The following GRIN2D variants were observed in gnomAD, a reference collection of about 807,000 sequenced individuals.
GRIN2D encodes the protein glutamate receptor ionotropic, NMDA 2D.
GRIN2D carries 37 observed loss-of-function variants against 103.2 expected under a neutral mutation model. The ratio of observed to expected loss-of-function variants is 0.36; its 90% CI spans 0.28 to 0.47. The LOEUF is 0.47. Ranked by LOEUF, GRIN2D falls within the 20% of genes least tolerant of loss-of-function variation. The probability of loss-of-function intolerance (pLI) is 1.00; values close to 1 mark genes in which losing one functional copy is unlikely to be tolerated. For missense variants in GRIN2D, 1,557 were observed against 1,910.6 expected (o/e 0.81, Z 3.45); for synonymous variants, 845 against 885.6 (o/e 0.95, Z 0.81).
rs371552966 is a variant in GRIN2D, at chr19:48,421,983, G to A, written c.2252+38G>A. 6 of 1,596,160 alleles carry A rather than the reference G, an allele frequency of 3.8e-6. No individual in the cohort carries two copies. The highest frequency in any genetic ancestry group is 2.2e-5 in the East Asian group (1 of 44,724). On this transcript the variant is annotated intron_variant, in intron 11 of 13. Coordinates refer to ENST00000263269, the MANE Select transcript of GRIN2D (RefSeq NM_000836.4). This position sits in a 1 kb window ranked among gnomAD's most constrained non-coding sequence, Gnocchi z 4.8. Reference sequence around the variant, plus strand: ...TCGGGCCGGGGGTGGGGGTTGGGCCGCTGGGGACCTGAGGATGCTCAAAGA... The same window carrying A: ...TCGGGCCGGGGGTGGGGGTTGGGCCACTGGGGACCTGAGGATGCTCAAAGA...
At chr19:48,437,067 T>G (rs1322761670) in intron 11 of GRIN2D, among the ~76,000 whole-genome samples, 3 of 152,188 alleles carry the variant, frequency 2.0e-5, no homozygotes. Flanking sequence ...ATTTTAATTT[T>G]TCCCCAACCT....
rs928367226 is a variant in GRIN2D, at chr19:48,405,796, C to A, written c.1085+443C>A. On this transcript the variant is annotated intron_variant, in intron 4 of 13. Coordinates refer to ENST00000263269, the MANE Select transcript of GRIN2D (RefSeq NM_000836.4). The surrounding 1 kb of genome is among the most constrained non-coding windows in gnomAD (Gnocchi z 5.1). ...GGCCCAGATGAGGTCGAAGTTTGTT[C>A]CTCTCTCACGTAACAACCCTGATAA... 7.2e-5 allele frequency among the ~76,000 whole-genome samples: 11 copies of A among 152,136 alleles called. No individual in the cohort carries two copies. Among genetic ancestry groups the A allele is most frequent in the African/African-American group, 2.4e-4 (10 of 41,434 alleles).
intron 11 of GRIN2D, among the ~76,000 whole-genome samples, chr19:48,434,465 G>A (rs910953172): frequency 1.3e-5 from 2 of 152,048 alleles, no homozygotes; most frequent in Non-Finnish European, 2.9e-5. Flanking sequence ...ATATTGGCCA[G>A]GCTGGTCTTG....
intron 4 of GRIN2D, among the ~76,000 whole-genome samples, chr19:48,410,129 T>G (rs1970838477): frequency 6.6e-6 from 1 of 151,058 alleles, no homozygotes; most frequent in Non-Finnish European, 1.5e-5. Flanking sequence ...GGAAATAGTA[T>G]TCCAGTCAGG....
chr19:48,436,481 G>A (rs1371851097), intron 11 of GRIN2D, among the ~76,000 whole-genome samples: 2 of 152,178 alleles, frequency 1.3e-5, no homozygotes, highest in African/African-American at 2.4e-5. Flanking sequence ...GCCAGAGGCT[G>A]CATGGCCCCT....
chr19:48,395,606 G>C (rs1205979640), intron 2 of GRIN2D, among the ~76,000 whole-genome samples: 2 of 152,032 alleles, frequency 1.3e-5, no homozygotes, highest in African/African-American at 4.8e-5. Flanking sequence ...CTTCTCTGTT[G>C]GATGCTGTGG....
intron 3 of GRIN2D, among the ~76,000 whole-genome samples, chr19:48,401,902 A>G (rs1425247248): frequency 6.6e-6 from 1 of 151,990 alleles, no homozygotes; most frequent in Non-Finnish European, 1.5e-5. Context: ...GGAGTTTGAT[A>G]CCAGCCTGGC....
chr19:48,424,172 T>C (rs1343306624), intron 11 of GRIN2D, among the ~76,000 whole-genome samples: 2 of 151,318 alleles, frequency 1.3e-5, no homozygotes, highest in African/African-American at 4.9e-5. Context: ...TCCTAAAGCT[T>C]TGTGAGGCCA....
intron 11 of GRIN2D, among the ~76,000 whole-genome samples, chr19:48,441,054 G>A (rs545340662): frequency 3.3e-5 from 5 of 152,098 alleles, no homozygotes; most frequent in African/African-American, 1.2e-4. Context: ...AGGAGTAAAG[G>A]AATAACTATT....
chr19:48,416,220 C>A, intron 8 of GRIN2D, 65 bp downstream of exon 8: 1 of 1,460,978 alleles, frequency 6.8e-7, no homozygotes, highest in Non-Finnish European at 9.4e-7. Context: ...ACCGTGTGGG[C>A]CCTGGGATCA....
chr19:48,420,148 G>T (rs1971002638), intron 10 of GRIN2D, among the ~76,000 whole-genome samples: 1 of 152,076 alleles, frequency 6.6e-6, no homozygotes, highest in South Asian at 2.1e-4. Context: ...AACTTCTAAG[G>T]CTGGGCGCGG....
At chr19:48,422,044 A>G in intron 11 of GRIN2D, 99 bp downstream of exon 11, 2 of 1,253,168 alleles carry the variant, frequency 1.6e-6, no homozygotes, top group Non-Finnish European at 2.3e-6. Flanking sequence ...TCAGTCCCAG[A>G]GGTCAGCCCT....
intron 3 of GRIN2D, among the ~76,000 whole-genome samples, chr19:48,403,086 C>A (rs546093734): frequency 1.8e-4 from 27 of 151,620 alleles, no homozygotes; most frequent in African/African-American, 6.5e-4. Flanking sequence ...GTAATCCCAG[C>A]TACTCAGAAG....
At chr19:48,396,521 G>T (rs566287619) in intron 2 of GRIN2D, among the ~76,000 whole-genome samples, 22 of 151,928 alleles carry the variant, frequency 1.4e-4, no homozygotes, top group Admixed American at 2.6e-4. Context: ...CCCCGCGGGG[G>T]CCAGGCCACA....
Position 48,414,183 on chromosome 19 carries a change from G to A in GRIN2D, c.1200+78G>A. 1.0e-6 allele frequency: 1 copy of A among 988,042 alleles called. No homozygotes were observed. The highest frequency in any genetic ancestry group is 1.6e-6 in the Non-Finnish European group (1 of 628,254). The allele number at this position is 988,042 out of a possible 1,614,324, so 61.2% of individuals were successfully genotyped here. A position where few individuals can be genotyped will look rare whatever the true frequency, so the allele number is the denominator to read the frequency against. On this transcript the variant is annotated intron_variant, in intron 5 of 13. Coordinates refer to ENST00000263269, the MANE Select transcript of GRIN2D (RefSeq NM_000836.4). The surrounding 1 kb of genome is among the most constrained non-coding windows in gnomAD (Gnocchi z 4.6). ...CCTGGCAGAGGGGGGGCTTGAGGTC[G>A]TGGACTAAGAGGGAGGAGGGGACAA...
At position 48,398,589 on chromosome 19, in the gene GRIN2D, C is replaced by G; in HGVS notation, c.197C>G (p.Ala66Gly). Residue 66 changes from alanine to glycine, a missense_variant, in exon 3 of 14, where the codon GCG becomes GGG. Ala to Gly is a moderately conservative substitution (Grantham distance 60, BLOSUM62 0). Around this residue, in one of 7 missense-constraint regions of GRIN2D, gnomAD observed 490 missense variants for 601.1 expected, o/e 0.82. Coordinates refer to ENST00000263269, the MANE Select transcript of GRIN2D (RefSeq NM_000836.4). ...TCGGGGCCCGCGTACGCGGCCGAGG[C>G]GGCACGCCTGGGCCCGGCCGTGGCG... ...VFSGPAYAAE[A>G]ARLGPAVAAA... The G allele has an allele frequency of 8.3e-7, 1 of 1,203,636 alleles. No homozygotes were observed. Among genetic ancestry groups the G allele is most frequent in the Admixed American group, 4.5e-5 (1 of 22,376 alleles). 74.6% of individuals were successfully genotyped at this position (1,203,636 alleles called of 1,614,324 possible).
rs1971350001 is a variant in GRIN2D, at chr19:48,444,094, A to G, written c.*157A>G. 6 of 464,858 alleles carry G rather than the reference A, an allele frequency of 1.3e-5. No homozygotes were observed. The highest frequency in any genetic ancestry group is 1.8e-5 in the Non-Finnish European group (5 of 272,148). 28.8% of individuals were successfully genotyped at this position (464,858 alleles called of 1,614,324 possible). On this transcript the variant is annotated 3_prime_UTR_variant, in exon 14 of 14. Coordinates refer to ENST00000263269, the MANE Select transcript of GRIN2D (RefSeq NM_000836.4). The surrounding 1 kb of genome is among the most constrained non-coding windows in gnomAD (Gnocchi z 5.5). ...GTCCTGCGCCCCCTGGTTCTGGAGG[A>G]ACCGCAAGCCGGAGAGGATTTGGTC...
chr19:48,410,024 A>G (rs1185828468), intron 4 of GRIN2D, among the ~76,000 whole-genome samples: 1 of 151,254 alleles, frequency 6.6e-6, no homozygotes, highest in Non-Finnish European at 1.5e-5. Context: ...ACCTCAAGTG[A>G]TCTGCCCCCC....
rs1971027740 is a variant in GRIN2D, at chr19:48,421,792, G to A, written c.2099G>A (p.Arg700Lys). The A allele has an allele frequency of 6.2e-7, 1 of 1,613,318 alleles. No homozygotes were observed. Residue 700 changes from arginine to lysine, a missense_variant, in exon 11 of 14, where the codon AGG becomes AAG. Coordinates refer to ENST00000263269, the MANE Select transcript of GRIN2D (RefSeq NM_000836.4). This position sits in a 1 kb window ranked among gnomAD's most constrained non-coding sequence, Gnocchi z 4.8. Reference sequence around the variant, plus strand: ...CTCCCCATTCTGCCCCAGTTCCAGAGGCCCCAGGAGCAGTACCCGCCCCTG... The same window carrying A: ...CTCCCCATTCTGCCCCAGTTCCAGAAGCCCCAGGAGCAGTACCCGCCCCTG... ...VSGLSDRKFQ[R>K]PQEQYPPLKF... is the part of the protein sequence containing the mutation.
Sources: gnomAD v4.1 joint callset for allele counts (sites outside exome capture counted in the v4.1 genomes callset) on GRCh38, gnomAD v4.1.1 for gene constraint, gnomAD v4.1.1 regional missense constraint, Gnocchi (gnomAD v3.1) non-coding constraint, MANE v1.5 for transcripts, NCBI Gene and HGNC (gene_info 2026-07-23, HGNC 2026-07-21) for gene names.